Variants in TTC31 observed in about 807,000 individuals in gnomAD.
TTC31 encodes the protein tetratricopeptide repeat protein 31.
A neutral mutation model predicts 60.4 loss-of-function variants in TTC31; 59 were observed. That is an observed-to-expected ratio of 0.98 (90% CI 0.79 to 1.21). The LOEUF (loss-of-function observed/expected upper bound fraction) is 1.21. TTC31 is among the 50% of genes most tolerant of loss of function. The pLI, the probability that TTC31 is intolerant of heterozygous loss-of-function variation, is 0.00. For synonymous variants in TTC31, 225 were observed against 249.6 expected, an observed-to-expected ratio of 0.90 and a Z score of 0.93; for missense variants, 672 against 646.9, an observed-to-expected ratio of 1.04 and a Z score of -0.42.
In TTC31 at chr2:74,490,008, C is replaced by CTCCCT; in HGVS notation, c.130-13_130-12insTTCCC. On this transcript the variant is annotated splice_polypyrimidine_tract_variant and intron_variant, in intron 2 of 12. Transcript: ENST00000233623. Reference sequence around the variant, plus strand: ...GCCCCCAACACCAGCCTCCCCTCCCCTCCCCTCCCCTCCCAGGACATAGTG... The same window carrying CTCCCT: ...GCCCCCAACACCAGCCTCCCCTCCCCTCCCTTCCCCTCCCCTCCCAGGACATAGTG... The CTCCCT allele has an allele frequency of 6.8e-7, 1 of 1,474,224 alleles. No individual in the cohort carries two copies. Among genetic ancestry groups the CTCCCT allele is most frequent in the Non-Finnish European group, 9.3e-7 (1 of 1,076,706 alleles). The allele number at this position is 1,474,224 out of a possible 1,614,324, so 91.3% of individuals were successfully genotyped here.
At chr2:74,490,597 T>C (rs1436523273) in intron 4 of TTC31, 59 bp from the exon 5 acceptor site, 1 of 1,582,234 alleles carries the variant, frequency 6.3e-7, no homozygotes, top group East Asian at 2.3e-5. Context: ...CCCCCTTTCA[T>C]GTTTGCTCTC....
intron 1 of TTC31, 52 bp from the exon 2 acceptor site, chr2:74,483,270 T>A: frequency 6.2e-7 from 1 of 1,613,214 alleles, no homozygotes; most frequent in South Asian, 1.1e-5. Flanking sequence ...GGGAGGACTC[T>A]AGCCCATCTG....
In TTC31 at chr2:74,493,397, T is replaced by A; in HGVS notation, c.*179T>A. ...TCTGATGAGAGAAAGGAGCCCCACA[T>A]CCACTGAAACATCCTTTGGTTCTCA... On this transcript the variant is annotated 3_prime_UTR_variant, in exon 13 of 13. Transcript: ENST00000233623. 3.1e-6 allele frequency: 2 copies of A among 637,476 alleles called. No individual in the cohort carries two copies. Among genetic ancestry groups the A allele is most frequent in the Non-Finnish European group, 5.2e-6 (2 of 386,266 alleles). 39.5% of individuals were successfully genotyped at this position (637,476 alleles called of 1,614,324 possible).
intron 2 of TTC31, among the ~76,000 whole-genome samples, chr2:74,485,023 A>C (rs796426079): frequency 4.2e-5 from 6 of 141,718 alleles, no homozygotes; most frequent in African/African-American, 1.6e-4. Context: ...ACTAAAATTT[A>C]CTTTTTTTTT....
chr2:74,490,936 C>A, intron 5 of TTC31, 192 bp from the exon 6 acceptor site: 1 of 902,900 alleles, frequency 1.1e-6, no homozygotes, highest in Non-Finnish European at 1.7e-6. Context: ...TACTGTGCTG[C>A]CTAGGTAGGA....
At chr2:74,489,210 G>C (rs1673518613) in intron 2 of TTC31, among the ~76,000 whole-genome samples, 3 of 152,224 alleles carry the variant, frequency 2.0e-5, no homozygotes, top group African/African-American at 7.2e-5. Flanking sequence ...AGGTTAGTTG[G>C]AGGAGGCAGA....
chr2:74,484,141 G>A (rs1250577695), intron 2 of TTC31, among the ~76,000 whole-genome samples: 2 of 151,624 alleles, frequency 1.3e-5, no homozygotes, highest in Non-Finnish European at 2.9e-5. Context: ...GGTTACTGAG[G>A]CAGGAGAATC....
chr2:74,487,215 G>A (rs1237234962), intron 2 of TTC31, among the ~76,000 whole-genome samples: 1 of 152,204 alleles, frequency 6.6e-6, no homozygotes, highest in Non-Finnish European at 1.5e-5. Flanking sequence ...GGTCAAGGAA[G>A]TACCTGTTTG....
At chr2:74,489,915 G>T in intron 2 of TTC31, 110 bp from the exon 3 acceptor site, 1 of 768,184 alleles carries the variant, frequency 1.3e-6, no homozygotes. Context: ...CTCTGGGCTG[G>T]ATAGCTGGTT....
intron 5 of TTC31, 132 bp from the exon 6 acceptor site, chr2:74,490,996 T>C: frequency 7.7e-7 from 1 of 1,304,928 alleles, no homozygotes; most frequent in Non-Finnish European, 1.1e-6. Flanking sequence ...TTGTCTGCTT[T>C]TTCACCTGCA....
intron 2 of TTC31, among the ~76,000 whole-genome samples, 199 bp from the exon 3 acceptor site, chr2:74,489,825 AG>A (rs1472248113): frequency 6.6e-6 from 1 of 152,128 alleles, no homozygotes; most frequent in African/African-American, 2.4e-5. Context: ...GAAAGCAGCG[AG>A]GGGAGGTGAT....
At chr2:74,483,465 G>A (rs1294292637) in intron 2 of TTC31, 55 bp downstream of exon 2, 1 of 1,612,874 alleles carries the variant, frequency 6.2e-7, no homozygotes, top group African/African-American at 1.3e-5. Flanking sequence ...ACGCCTCTTT[G>A]AAGTCAGCTG....
At chr2:74,483,254 A>G (rs1672646716) in intron 1 of TTC31, 68 bp from the exon 2 acceptor site, 3 of 1,612,986 alleles carry the variant, frequency 1.9e-6, no homozygotes, top group Non-Finnish European at 2.5e-6. Flanking sequence ...AGTCGAGGGT[A>G]GAGTGGGGAG....
At position 74,492,698 on chromosome 2, in the gene TTC31, A is replaced by G; in HGVS notation, c.1214A>G (p.Gln405Arg). ...VFQETLRGGS[Q>R]PDAARELRSC... The stretch of plus-strand genomic sequence containing the variant: ...CAGGAAACTCTGAGAGGTGGGTCCC[A>G]GCCTGACGCAGCCCGAGAGCTCCGC... Residue 405 changes from glutamine (Q) to arginine (R), a missense_variant, in exon 12 of 13, where the codon CAG (glutamine) becomes CGG (arginine). Physicochemically the swap from Gln to Arg is conservative, Grantham distance 43 (BLOSUM62 1). Transcript: ENST00000233623. The G allele has an allele frequency of 1.2e-6, 2 of 1,614,212 alleles. No individual in the cohort carries two copies. The highest frequency in any genetic ancestry group is 1.7e-6 in the Non-Finnish European group (2 of 1,180,032).
In TTC31 at chr2:74,493,124, A is replaced by C; in HGVS notation, c.1466A>C (p.Gln489Pro). 1 of 1,614,070 alleles carries C rather than the reference A, an allele frequency of 6.2e-7. No individual in the cohort carries two copies. The highest frequency in any genetic ancestry group is 1.1e-5 in the South Asian group (1 of 91,074). ...CCCAACCAGCCCCTCTCCCAGACTC[A>C]GAGTAGAAGGCCCCATCCTCTCAAG... Reference protein sequence around the residue: ...SHPNQPLSQTQSRRPHPLKPQ... With the variant: ...SHPNQPLSQTPSRRPHPLKPQ... The change falls in exon 13 of 13, where the codon CAG becomes CCG. Residue 489 changes from glutamine to proline, a missense_variant. By Grantham distance (76) the Gln-to-Pro change is moderately conservative. Coordinates refer to ENST00000233623, the MANE Select transcript of TTC31 (RefSeq NM_022492.6).
chr2:74,491,524 G>C lies in TTC31; in HGVS notation c.728G>C (p.Arg243Pro), dbSNP rs769279902. The C allele has an allele frequency of 6.2e-7, 1 of 1,613,112 alleles. No homozygotes were observed. The highest frequency in any genetic ancestry group is 1.7e-5 in the Admixed American group (1 of 59,892). Residue 243 changes from arginine (R) to proline (P), a missense_variant, in exon 8 of 13, where the codon CGC (arginine) becomes CCC (proline). By Grantham distance (103) the Arg-to-Pro change is moderately radical. Coordinates refer to ENST00000233623, the MANE Select transcript of TTC31 (RefSeq NM_022492.6). ...LSSTFVSLAL[R>P]KVGDWPLSAR... ...AGCACTTTTGTGTCTCTGGCTTTGC[G>C]CAAGGTTGGGGATTGGCCCCTCAGT... is the stretch of plus-strand genomic sequence containing the variant.
In TTC31 at chr2:74,491,115, A is replaced by G. The variant is rs1286064547; in HGVS notation, c.547-13A>G. ...GTGTTCAAAATACATCATTGTTACC[A>G]TTACTATTGCAGCGTCAAAAGGAAC... On this transcript the variant is annotated splice_polypyrimidine_tract_variant and intron_variant, in intron 5 of 12. Transcript: ENST00000233623. The G allele has an allele frequency of 2.5e-6, 4 of 1,614,182 alleles. No individual in the cohort carries two copies. The highest frequency in any genetic ancestry group is 2.2e-5 in the East Asian group (1 of 44,894).
Position 74,492,419 on chromosome 2 carries a change from C to T in TTC31, c.1135C>T (p.Leu379=). 6.6e-7 allele frequency: 1 copy of T among 1,523,102 alleles called. No individual in the cohort carries two copies. The highest frequency in any genetic ancestry group is 8.8e-7 in the Non-Finnish European group (1 of 1,136,796). 94.3% of individuals were successfully genotyped at this position (1,523,102 alleles called of 1,614,324 possible). A position where few individuals can be genotyped will look rare whatever the true frequency, so the allele number is the denominator to read the frequency against. Reference sequence around the variant, plus strand: ...TGGCTGGCCCCGGGGCCTCTTCCGCCTGGGCAAGGCCTTGATGGGACTACA... The same window carrying T: ...TGGCTGGCCCCGGGGCCTCTTCCGCTTGGGCAAGGCCTTGATGGGACTACA... The part of the protein sequence containing the change: ...RPGWPRGLFR[L]GKALMGLQRF... Residue 379 remains leucine, a synonymous_variant, in exon 11 of 13, where the codon CTG becomes TTG. Coordinates refer to ENST00000233623, the MANE Select transcript of TTC31 (RefSeq NM_022492.6).
rs749468143 is a variant in TTC31 at position 74,490,647 on chromosome 2, G to A, written c.463-9G>A. On this transcript the variant is annotated splice_polypyrimidine_tract_variant and intron_variant, in intron 4 of 12. Coordinates refer to ENST00000233623, the MANE Select transcript of TTC31 (RefSeq NM_022492.6). Reference sequence around the variant, plus strand: ...TCTCTTTTTCTGTCACCTGCCCTTCGTCCTTCAGGAAGCCAATCGCCTGGC... The same window carrying A: ...TCTCTTTTTCTGTCACCTGCCCTTCATCCTTCAGGAAGCCAATCGCCTGGC... 1.5e-5 allele frequency: 24 copies of A among 1,613,096 alleles called. No individual in the cohort carries two copies. The highest frequency in any genetic ancestry group is 2.2e-5 in the East Asian group (1 of 44,890).
Sources: gnomAD v4.1 joint callset for allele counts (sites outside exome capture counted in the v4.1 genomes callset) on GRCh38, gnomAD v4.1.1 for gene constraint, MANE v1.5 for transcripts, NCBI Gene and HGNC (gene_info 2026-07-23, HGNC 2026-07-21) for gene names.